PRSS3: variants seen among roughly 807,000 people sequenced by gnomAD.
PRSS3 encodes the protein trypsin-3.
Under a neutral mutation model 20.8 loss-of-function variants are expected in PRSS3, and 14 were observed. That is an observed-to-expected ratio of 0.67 (90% CI 0.44 to 1.05). The LOEUF (loss-of-function observed/expected upper bound fraction) is 1.05, where lower values mean the gene tolerates loss of function less well. Ranked by LOEUF, PRSS3 falls within the 50% of genes least tolerant of loss-of-function variation. The probability of loss-of-function intolerance (pLI) is 0.00; values close to 1 mark genes in which losing one functional copy is unlikely to be tolerated. For missense variants in PRSS3, 237 were observed against 306.4 expected (o/e 0.77, Z 1.69); for synonymous variants, 91 against 117.6 (o/e 0.77, Z 1.46).
intron 1 of PRSS3, among the ~76,000 whole-genome samples, chr9:33,790,482 G>T (rs1418725121): frequency 6.6e-6 from 1 of 152,146 alleles, no homozygotes; most frequent in South Asian, 2.1e-4. Flanking sequence ...AGACTCAGAA[G>T]TAAACCATGA....
At chr9:33,773,256 AG>A (rs1823783359) in intron 1 of PRSS3, among the ~76,000 whole-genome samples, 1 of 152,110 alleles carries the variant, frequency 6.6e-6, no homozygotes, top group South Asian at 2.1e-4. Context: ...GAGGGAGGGA[AG>A]GATCCAATGA....
chr9:33,774,453 A>G (rs1823833806), intron 1 of PRSS3, among the ~76,000 whole-genome samples: 1 of 152,196 alleles, frequency 6.6e-6, no homozygotes, highest in South Asian at 2.1e-4. Context: ...AGCCGGTATC[A>G]AGTACACAGA....
intron 1 of PRSS3, among the ~76,000 whole-genome samples, chr9:33,767,915 A>G (rs1273429748): frequency 6.6e-6 from 1 of 152,154 alleles, no homozygotes; most frequent in Non-Finnish European, 1.5e-5. Context: ...AGCCCAGGAG[A>G]GAGGCCTCAG....
At position 33,799,199 on chromosome 9, in the gene PRSS3, A is replaced by G. The variant is rs1286248671; in HGVS notation, c.*19A>G. 3 of 1,613,674 alleles carry G rather than the reference A, an allele frequency of 1.9e-6. No homozygotes were observed. The highest frequency in any genetic ancestry group is 2.5e-6 in the Non-Finnish European group (3 of 1,179,744). ...CAGCTAAAGCCCCCGGTCCCTCTGC[A>G]GTCTCTATACCAATAAAGTGGCCCT... On this transcript the variant is annotated 3_prime_UTR_variant, in exon 5 of 5. Transcript: ENST00000379405.
At chr9:33,783,442 A>G (rs143892008) in intron 1 of PRSS3, among the ~76,000 whole-genome samples, 24 of 152,338 alleles carry the variant, frequency 1.6e-4, no homozygotes, top group Middle Eastern at 3.4e-3. Flanking sequence ...ATGAATTAAA[A>G]AACTAGATGG....
chr9:33,796,514 C>T (rs938599645), intron 1 of PRSS3, 129 bp from the exon 2 acceptor site: 24 of 1,016,876 alleles, frequency 2.4e-5, no homozygotes, highest in South Asian at 6.6e-5. Flanking sequence ...GGGGTGGCAG[C>T]GCTCCCTCCC....
At chr9:33,761,838 C>G (rs1823221138) in intron 1 of PRSS3, among the ~76,000 whole-genome samples, 1 of 152,054 alleles carries the variant, frequency 6.6e-6, no homozygotes, top group African/African-American at 2.4e-5. Context: ...GAGATCGTGC[C>G]ACTGTACTCC....
intron 1 of PRSS3, among the ~76,000 whole-genome samples, chr9:33,752,415 CAG>C (rs1822739290): frequency 6.6e-6 from 1 of 152,238 alleles, no homozygotes; most frequent in Non-Finnish European, 1.5e-5. Context: ...TTTCACCACA[CAG>C]AGTCACTCCC....
At chr9:33,783,719 T>G (rs993463296) in intron 1 of PRSS3, among the ~76,000 whole-genome samples, 2 of 151,954 alleles carry the variant, frequency 1.3e-5, no homozygotes, top group African/African-American at 4.8e-5. Context: ...TGTTTCTGTG[T>G]AAAAGAAGGA....
intron 1 of PRSS3, among the ~76,000 whole-genome samples, chr9:33,759,214 C>A (rs1262980487): frequency 6.6e-6 from 1 of 152,070 alleles, no homozygotes; most frequent in African/African-American, 2.4e-5. Context: ...CAGGTATACA[C>A]AATGCAAGGG....
intron 4 of PRSS3, 54 bp downstream of exon 4, chr9:33,798,676 G>A (rs1385270339): frequency 1.2e-6 from 2 of 1,612,498 alleles, no homozygotes; most frequent in South Asian, 1.1e-5. Flanking sequence ...GGCCCCACCG[G>A]GGAAAAAGAT....
At chr9:33,788,217 G>C (rs1307445282) in intron 1 of PRSS3, among the ~76,000 whole-genome samples, 1 of 152,192 alleles carries the variant, frequency 6.6e-6, no homozygotes, top group Non-Finnish European at 1.5e-5. Flanking sequence ...AGAAACTGGG[G>C]AGTACTGAGT....
chr9:33,770,503 A>C (rs917692602), intron 1 of PRSS3, among the ~76,000 whole-genome samples: 34 of 152,340 alleles, frequency 2.2e-4, no homozygotes, highest in African/African-American at 7.0e-4. Flanking sequence ...GGAGCAGAGG[A>C]CAGGGTGTTA....
At chr9:33,759,154 A>T (rs1304162780) in intron 1 of PRSS3, among the ~76,000 whole-genome samples, 2 of 152,078 alleles carry the variant, frequency 1.3e-5, no homozygotes, top group Admixed American at 1.3e-4. Context: ...GGACACTGTC[A>T]GGTTCACGGT....
intron 4 of PRSS3, 73 bp from the exon 5 acceptor site, chr9:33,798,955 A>C: frequency 6.4e-7 from 1 of 1,566,994 alleles, no homozygotes; most frequent in African/African-American, 1.4e-5. Context: ...GGGTCTTTTA[A>C]GGTTCACAGT....
chr9:33,797,243 C>T (rs1000757547), intron 2 of PRSS3, among the ~76,000 whole-genome samples: 1 of 152,252 alleles, frequency 6.6e-6, no homozygotes, highest in African/African-American at 2.4e-5. Context: ...ACGAAGAACT[C>T]TCAAACCTGA....
intron 1 of PRSS3, among the ~76,000 whole-genome samples, chr9:33,787,874 G>T (rs537710401): frequency 3.9e-5 from 6 of 152,234 alleles, no homozygotes; most frequent in African/African-American, 1.4e-4. Context: ...CAAATTACAC[G>T]AAGAGTGTTT....
At position 33,786,906 on chromosome 9, in the gene PRSS3, AG is replaced by A; in HGVS notation, c.-52-7837del. 8.2e-6 allele frequency: 5 copies of A among 611,618 alleles called. 1 individual carries two copies. In the South Asian group the frequency reaches 9.9e-5, roughly 12 times the overall value. The allele number at this position is 611,618 out of a possible 1,614,324, so 37.9% of individuals were successfully genotyped here. ...ACCCAGCTCCCCTCACATGAACCTG[AG>A]GGCCCTGTCAAGGTGGGACAGAAGA... On this transcript the variant is annotated intron_variant, in intron 1 of 5. Transcript: ENST00000342836.
chr9:33,794,572 A>C (rs1439500727), upstream of PRSS3, among the ~76,000 whole-genome samples: 1 of 152,116 alleles, frequency 6.6e-6, no homozygotes, highest in African/African-American at 2.4e-5. Flanking sequence ...TATTGATCCC[A>C]ATATGTGACC....
Sources: gnomAD v4.1 joint callset for allele counts (sites outside exome capture counted in the v4.1 genomes callset) on GRCh38, gnomAD v4.1.1 for gene constraint, MANE v1.5 for transcripts, NCBI Gene and HGNC (gene_info 2026-07-23, HGNC 2026-07-21) for gene names.